Variants in HCRTR2 observed in about 807,000 individuals in gnomAD.
The protein encoded by HCRTR2 is hypocretin receptor 2, also known as orexin receptor type 2.
In HCRTR2, 22 loss-of-function variants were observed where a neutral mutation model predicts 49.0. That is an observed-to-expected ratio of 0.45 (90% CI 0.32 to 0.64). The LOEUF is 0.64. Ranked by LOEUF, HCRTR2 falls within the 30% of genes least tolerant of loss-of-function variation. The pLI is 0.04. For synonymous variants in HCRTR2, 236 were observed against 205.3 expected, an observed-to-expected ratio of 1.15 and a Z score of -1.28; for missense variants, 491 against 559.4, an observed-to-expected ratio of 0.88 and a Z score of 1.23.
chr6:55,221,616 A>C lies in HCRTR2; in HGVS notation c.224-27023A>C, dbSNP rs189994165. On this transcript the variant is annotated intron_variant, in intron 1 of 6. Transcript: ENST00000370862. ...ATCACGAGGTCAGAAGATCGAGACC[A>C]TCCTGGCTAACACAGTGAAACCCCG... Among the ~76,000 whole-genome samples, 107 of 152,174 alleles carry C rather than the reference A, an allele frequency of 7.0e-4. 1 individual carries two copies. Among genetic ancestry groups the C allele is most frequent in the South Asian group, 2.9e-3 (14 of 4,822 alleles).
intron 1 of HCRTR2, among the ~76,000 whole-genome samples, chr6:55,231,347 C>T (rs1454464918): frequency 6.7e-6 from 1 of 149,702 alleles, no homozygotes; most frequent in Non-Finnish European, 1.5e-5. Flanking sequence ...GACTAATACT[C>T]TCTTTTAAGA....
intron 1 of HCRTR2, among the ~76,000 whole-genome samples, chr6:55,241,379 C>A (rs968998984): frequency 1.3e-5 from 2 of 151,962 alleles, no homozygotes; most frequent in African/African-American, 2.4e-5. Flanking sequence ...CCGGAAGTGA[C>A]GATGGAAGCA....
At chr6:55,128,784 G>A (rs775128932) in intron 1 of HCRTR2, among the ~76,000 whole-genome samples, 21 of 152,140 alleles carry the variant, frequency 1.4e-4, no homozygotes, top group Non-Finnish European at 2.8e-4. Context: ...ATAGGGAATA[G>A]TTAGGTTTAC....
intron 3 of HCRTR2, among the ~76,000 whole-genome samples, chr6:55,255,915 A>T (rs1766644244): frequency 1.3e-5 from 2 of 152,218 alleles, no homozygotes; most frequent in Non-Finnish European, 2.9e-5. Flanking sequence ...TTCATAATAC[A>T]TTATTGCTAC....
At chr6:55,212,700 T>C (rs1193773952) in intron 1 of HCRTR2, among the ~76,000 whole-genome samples, 2 of 152,202 alleles carry the variant, frequency 1.3e-5, no homozygotes, top group Non-Finnish European at 2.9e-5. Context: ...GAGTCTGTTT[T>C]ACTCCACAAG....
intron 1 of HCRTR2, among the ~76,000 whole-genome samples, chr6:55,209,394 A>G (rs1299910019): frequency 6.6e-6 from 1 of 152,196 alleles, no homozygotes; most frequent in African/African-American, 2.4e-5. Flanking sequence ...AGTTTTTACA[A>G]TATTTGGTTT....
intron 1 of HCRTR2, among the ~76,000 whole-genome samples, chr6:55,182,229 C>G (rs1765145754): frequency 6.6e-6 from 1 of 152,194 alleles, no homozygotes; most frequent in Non-Finnish European, 1.5e-5. Flanking sequence ...CAATGACCGC[C>G]CCCGGGCCCC....
intron 1 of HCRTR2, among the ~76,000 whole-genome samples, chr6:55,139,146 T>C (rs1289618276): frequency 6.6e-6 from 1 of 151,952 alleles, no homozygotes; most frequent in Non-Finnish European, 1.5e-5. Context: ...TATCCTAGGG[T>C]GAGGAAGTTA....
chr6:55,175,453 T>C lies in HCRTR2; in HGVS notation c.223+643T>C, dbSNP rs180868521. ...AAGAAGGAGGGGCATCGGAGAAAAG[T>C]ACCACAGAGATCTCAATCATCCATC... On this transcript the variant is annotated intron_variant, in intron 1 of 6. Transcript: ENST00000370862. Among the ~76,000 whole-genome samples, 293 of 152,106 alleles carry C rather than the reference T, an allele frequency of 1.9e-3. 1 individual carries two copies. Among genetic ancestry groups the C allele is most frequent in the African/African-American group, 6.6e-3 (274 of 41,484 alleles).
intron 1 of HCRTR2, among the ~76,000 whole-genome samples, chr6:55,177,311 A>T (rs1349162501): frequency 6.6e-6 from 1 of 152,180 alleles, no homozygotes; most frequent in Non-Finnish European, 1.5e-5. Flanking sequence ...TTCTTTTCTG[A>T]CATACTGCCT....
intron 6 of HCRTR2, among the ~76,000 whole-genome samples, chr6:55,280,725 C>T (rs780229657): frequency 6.6e-6 from 1 of 151,892 alleles, no homozygotes. Flanking sequence ...ACATGACATA[C>T]TTTAAACTCA....
chr6:55,256,119 A>C (rs1167270691), intron 3 of HCRTR2, among the ~76,000 whole-genome samples: 1 of 152,132 alleles, frequency 6.6e-6, no homozygotes, highest in Non-Finnish European at 1.5e-5. Flanking sequence ...GTGCTAGCAC[A>C]AATCTGGGCA....
rs138547896 is a variant in HCRTR2 at position 55,248,666 on chromosome 6, A to G, written c.251A>G (p.His84Arg). Reference sequence around the variant, plus strand: ...TGTGTGGCAGTGTGGAAGAACCACCACATGAGGACGGTAACCAACTACTTC... The same window carrying G: ...TGTGTGGCAGTGTGGAAGAACCACCGCATGAGGACGGTAACCAACTACTTC... ...LVCVAVWKNH[H>R]MRTVTNYFIV... The change falls in exon 2 of 7, where the codon CAC becomes CGC. Residue 84 changes from histidine (H) to arginine (R), a missense_variant. By Grantham distance (29) the His-to-Arg change is conservative. Transcript: ENST00000370862. 8.7e-6 allele frequency: 14 copies of G among 1,613,310 alleles called. No individual in the cohort carries two copies. The highest frequency in any genetic ancestry group is 8.0e-5 in the African/African-American group (6 of 74,872).
intron 1 of HCRTR2, among the ~76,000 whole-genome samples, chr6:55,181,308 T>C (rs957822972): frequency 2.6e-5 from 4 of 152,186 alleles, no homozygotes; most frequent in Admixed American, 2.6e-4. Flanking sequence ...TAAAATGTTT[T>C]CATTTCACCT....
chr6:55,197,742 C>T (rs1032835527), intron 1 of HCRTR2, among the ~76,000 whole-genome samples: 3 of 152,248 alleles, frequency 2.0e-5, no homozygotes, highest in South Asian at 2.1e-4. Context: ...CTGCCTCAGC[C>T]TCCCGAGTAG....
intron 1 of HCRTR2, among the ~76,000 whole-genome samples, chr6:55,239,023 C>T (rs1766268751): frequency 6.6e-6 from 1 of 152,110 alleles, no homozygotes; most frequent in East Asian, 1.9e-4. Context: ...AATCCAGATG[C>T]ATTTCTAAGA....
At chr6:55,247,073 A>T (rs1409219351) in intron 1 of HCRTR2, among the ~76,000 whole-genome samples, 2 of 151,942 alleles carry the variant, frequency 1.3e-5, no homozygotes, top group Non-Finnish European at 2.9e-5. Flanking sequence ...GAAATATAAT[A>T]TTTTTGCCAA....
At chr6:55,208,720 G>A (rs1581830735) in intron 1 of HCRTR2, among the ~76,000 whole-genome samples, 1 of 152,150 alleles carries the variant, frequency 6.6e-6, no homozygotes, top group South Asian at 2.1e-4. Flanking sequence ...CTGCTGTGAT[G>A]TGTACTCAAG....
At chr6:55,147,787 T>A (rs995520540) in intron 1 of HCRTR2, among the ~76,000 whole-genome samples, 1 of 152,208 alleles carries the variant, frequency 6.6e-6, no homozygotes, top group Non-Finnish European at 1.5e-5. Context: ...CTTACATGAC[T>A]TTGTATAGGC....
Sources: gnomAD v4.1 joint callset for allele counts (sites outside exome capture counted in the v4.1 genomes callset) on GRCh38, gnomAD v4.1.1 for gene constraint, MANE v1.5 for transcripts, NCBI Gene and HGNC (gene_info 2026-07-23, HGNC 2026-07-21) for gene names.